Variants in DYM observed in about 807,000 individuals in gnomAD.
DYM encodes dymeclin.
A neutral mutation model predicts 93.1 loss-of-function variants in DYM; 78 were observed. The observed-to-expected ratio is 0.84, with a 90% CI of 0.70 to 1.01. DYM has a LOEUF of 1.01. Ranked by LOEUF, DYM falls within the 50% of genes least tolerant of loss-of-function variation. DYM has a pLI of 0.00. For synonymous variants in DYM, 321 were observed against 319.7 expected (o/e 1.00, Z -0.04); for missense variants, 789 against 845.0 (o/e 0.93, Z 0.82).
rs72500406 is a variant in DYM, at chr18:49,206,003, G to GTTTTTTTTTTTT, written c.1625+3547_1625+3548insAAAAAAAAAAAA. The GTTTTTTTTTTTT allele has an allele frequency of 5.5e-4, 79 of 142,792 alleles. 8 individuals carry two copies. Among genetic ancestry groups the GTTTTTTTTTTTT allele is most frequent in the East Asian group, 8.1e-4 (5 of 6,198 alleles). 8.8% of individuals were successfully genotyped at this position (142,792 alleles called of 1,614,324 possible). A position where few individuals can be genotyped will look rare whatever the true frequency, so the allele number is the denominator to read the frequency against. On this transcript the variant is annotated intron_variant, in intron 14 of 17. Transcript: ENST00000675505. ...TTGACTAAGGTAGAGTTTTTTTTTT[G>GTTTTTTTTTTTT]TTTTTTTGTTTTTTGCGGAGTCTTG...
intron 7 of DYM, among the ~76,000 whole-genome samples, chr18:49,332,594 T>C (rs2063388528): frequency 6.6e-6 from 1 of 152,260 alleles, no homozygotes; most frequent in Non-Finnish European, 1.5e-5. Flanking sequence ...AATTATTCAA[T>C]TGGTATTAAA....
intron 2 of DYM, among the ~76,000 whole-genome samples, chr18:49,426,245 A>G (rs566813777): frequency 6.6e-6 from 1 of 152,222 alleles, no homozygotes; most frequent in East Asian, 1.9e-4. Flanking sequence ...CGTCCTCTGT[A>G]GGAACATGGA....
intron 5 of DYM, among the ~76,000 whole-genome samples, chr18:49,369,192 T>C (rs2066779277): frequency 6.6e-6 from 1 of 152,226 alleles, no homozygotes; most frequent in Admixed American, 6.5e-5. Flanking sequence ...GGTGCCAGCA[T>C]TCTAGCAGCC....
intron 8 of DYM, among the ~76,000 whole-genome samples, chr18:49,316,838 C>T (rs1599369431): frequency 6.6e-6 from 1 of 152,066 alleles, no homozygotes; most frequent in Admixed American, 6.6e-5. Context: ...AGACTGGCTT[C>T]CTTCCTTTAG....
intron 13 of DYM, among the ~76,000 whole-genome samples, chr18:49,254,138 C>A (rs756062306): frequency 6.6e-6 from 1 of 152,020 alleles, no homozygotes; most frequent in Non-Finnish European, 1.5e-5. Context: ...AGCCACCCTG[C>A]TTAATCTTTC....
At position 49,452,943 on chromosome 18, in the gene DYM, C is replaced by T. The variant is rs1251544410; in HGVS notation, c.-54+7455G>A. ...CCAATCAGCACCCTGTGTCTAGGCTCAGGGTTTGAGGATGCACCAATCGGC... is the reference window on the plus strand; with the variant it reads ...CCAATCAGCACCCTGTGTCTAGGCTTAGGGTTTGAGGATGCACCAATCGGC... On this transcript the variant is annotated intron_variant, in intron 1 of 17. Transcript: ENST00000675505. Among the ~76,000 whole-genome samples the T allele has an allele frequency of 2.3e-4, 30 of 129,808 alleles. 7 individuals carry two copies. The highest frequency in any genetic ancestry group is 4.8e-4 in the Non-Finnish European group (29 of 60,434). The allele number at this position is 129,808 out of a possible 152,430, so 85.2% of individuals were successfully genotyped here.
At chr18:49,384,973 AAC>A (rs2068446590) in intron 3 of DYM, among the ~76,000 whole-genome samples, 1 of 152,006 alleles carries the variant, frequency 6.6e-6, no homozygotes, top group Admixed American at 6.5e-5. Flanking sequence ...CACCAATCAA[AAC>A]ACCTCATCAA....
intron 2 of DYM, among the ~76,000 whole-genome samples, chr18:49,421,618 C>T (rs796766858): frequency 3.3e-5 from 5 of 152,344 alleles, no homozygotes; most frequent in South Asian, 2.1e-4. Flanking sequence ...CGCAGCTCCT[C>T]GCCAGCAACA....
chr18:49,277,216 G>A (rs901439309), intron 10 of DYM, among the ~76,000 whole-genome samples: 1 of 152,096 alleles, frequency 6.6e-6, no homozygotes, highest in Non-Finnish European at 1.5e-5. Context: ...TGCAAATACA[G>A]AACTGAACAT....
chr18:49,228,248 G>T (rs1383122514), intron 13 of DYM, among the ~76,000 whole-genome samples: 1 of 152,106 alleles, frequency 6.6e-6, no homozygotes, highest in Non-Finnish European at 1.5e-5. Context: ...GGAGTTCTAT[G>T]CATCATCATT....
intron 16 of DYM, among the ~76,000 whole-genome samples, chr18:49,108,571 G>C (rs1358153277): frequency 6.6e-6 from 1 of 152,160 alleles, no homozygotes; most frequent in Non-Finnish European, 1.5e-5. Context: ...CTATTCAATA[G>C]TTTAATTTCA....
At chr18:49,369,651 C>T (rs75823459) in intron 5 of DYM, among the ~76,000 whole-genome samples, 13,897 of 152,112 alleles carry the variant, frequency 0.091, 856 homozygotes, top group East Asian at 0.31. Context: ...TTTAGAAGTC[C>T]CTTTGCTGAT....
chr18:49,134,564 A>G (rs2083659201), intron 15 of DYM, among the ~76,000 whole-genome samples: 1 of 152,214 alleles, frequency 6.6e-6, no homozygotes. Flanking sequence ...AAGTGAATCT[A>G]CCTCACAGTT....
intron 13 of DYM, among the ~76,000 whole-genome samples, chr18:49,249,490 C>T (rs944461890): frequency 8.6e-5 from 13 of 152,034 alleles, no homozygotes; most frequent in Non-Finnish European, 1.3e-4. Flanking sequence ...TCAGTGGGAA[C>T]AGAAGTGAGG....
intron 1 of DYM, among the ~76,000 whole-genome samples, chr18:49,441,861 C>A (rs1385503700): frequency 1.3e-5 from 2 of 152,080 alleles, no homozygotes; most frequent in Admixed American, 1.3e-4. Context: ...CAGGAAAAGA[C>A]TATTATGCGT....
At chr18:49,174,553 C>A (rs2089165208) in intron 14 of DYM, among the ~76,000 whole-genome samples, 1 of 152,144 alleles carries the variant, frequency 6.6e-6, no homozygotes, top group East Asian at 1.9e-4. Context: ...TTCACTCTCA[C>A]CCCCTACTTT....
chr18:49,095,144 T>G (rs540126994), intron 17 of DYM, among the ~76,000 whole-genome samples: 1 of 152,222 alleles, frequency 6.6e-6, no homozygotes, highest in East Asian at 1.9e-4. Flanking sequence ...TATAATGTGC[T>G]GTCATGTAGT....
intron 3 of DYM, among the ~76,000 whole-genome samples, chr18:49,381,224 C>T (rs773161864): frequency 6.6e-6 from 1 of 151,996 alleles, no homozygotes; most frequent in Non-Finnish European, 1.5e-5. Flanking sequence ...TTTGAACTTA[C>T]TGAAATGTGT....
At chr18:49,274,187 G>A (rs1252228031) in intron 10 of DYM, among the ~76,000 whole-genome samples, 3 of 151,104 alleles carry the variant, frequency 2.0e-5, no homozygotes, top group Non-Finnish European at 2.9e-5. Flanking sequence ...CCTGCCCAAA[G>A]GAACCACTTT....
Sources: allele counts gnomAD v4.1 joint callset (sites outside exome capture counted in the v4.1 genomes callset), GRCh38; gene constraint gnomAD v4.1.1; transcripts MANE v1.5; gene names NCBI Gene and HGNC (gene_info 2026-07-23, HGNC 2026-07-21).